The following EDA variants were observed in gnomAD, a reference collection of about 807,000 sequenced individuals.
EDA encodes the protein ectodysplasin-A.
A neutral mutation model predicts 23.6 loss-of-function variants in EDA; 2 were observed. That is an observed-to-expected ratio of 0.08 (90% CI 0.03 to 0.27). EDA has a LOEUF of 0.27. EDA is among the 10% of genes least tolerant of loss of function. The pLI is 1.00. For missense variants in EDA, 229 were observed against 324.2 expected, an observed-to-expected ratio of 0.71 and a Z score of 2.26; for synonymous variants, 131 against 132.0, an observed-to-expected ratio of 0.99 and a Z score of 0.05.
At chrX:69,630,148 G>A (rs1477053016) in intron 1 of EDA, among the ~76,000 whole-genome samples, 1 of 111,540 alleles carries the variant, frequency 9.0e-6, no homozygotes, top group Non-Finnish European at 1.9e-5. Flanking sequence ...GGTTATGTAC[G>A]TGTCTGTGTT....
intron 1 of EDA, among the ~76,000 whole-genome samples, chrX:69,621,741 T>G (rs1365580090): frequency 9.0e-6 from 1 of 111,200 alleles, no homozygotes; most frequent in African/African-American, 3.3e-5. Flanking sequence ...GTTTTTTATT[T>G]GTATTTTTTG....
intron 2 of EDA, among the ~76,000 whole-genome samples, chrX:70,008,301 A>G (rs1252916134): frequency 1.8e-5 from 2 of 112,313 alleles, no homozygotes; most frequent in African/African-American, 6.5e-5. Context: ...GATGTTCTCT[A>G]TCAAATTGTG....
chrX:69,818,727 A>C (rs1248221944), intron 1 of EDA, among the ~76,000 whole-genome samples: 1 of 111,601 alleles, frequency 9.0e-6, no homozygotes, highest in East Asian at 2.8e-4. Flanking sequence ...AGCAATAAAT[A>C]GCCTACCAAC....
At chrX:69,693,047 G>T (rs1934758654) in intron 1 of EDA, 1 of 111,790 alleles carries the variant, frequency 8.9e-6, no homozygotes, top group Non-Finnish European at 1.9e-5. Context: ...TATCTCCCAA[G>T]TGTAAAGCTG....
intron 1 of EDA, among the ~76,000 whole-genome samples, chrX:69,890,376 T>C (rs1332822578): frequency 9.0e-6 from 1 of 110,626 alleles, no homozygotes; most frequent in African/African-American, 3.3e-5. Context: ...GAAAAAACTA[T>C]TTTAAAATTT....
At chrX:69,927,218 A>G (rs1193141595) in intron 1 of EDA, among the ~76,000 whole-genome samples, 2 of 111,597 alleles carry the variant, frequency 1.8e-5, no homozygotes, top group Non-Finnish European at 3.8e-5. Flanking sequence ...GTTATTGTGC[A>G]CACTAATTGA....
rs1328589974 is a variant in EDA, at chrX:69,937,663, A to G, written c.397-19364A>G. 4.5e-6 allele frequency: 5 copies of G among 1,102,299 alleles called. No individual in the cohort carries two copies. In the Admixed American group the frequency reaches 1.1e-4, roughly 24 times the overall value. 90.8% of individuals were successfully genotyped at this position (1,102,299 alleles called of 1,213,427 possible). On this transcript the variant is annotated intron_variant, in intron 1 of 7. Transcript: ENST00000374552. ...TCATGTTTTTTAAACTGGATACCAG[A>G]TGTTGTTAGTAGCTCTATAGAGTTC...
chrX:69,788,044 A>C (rs1195122881), intron 1 of EDA, among the ~76,000 whole-genome samples: 3 of 110,355 alleles, frequency 2.7e-5, no homozygotes, highest in Non-Finnish European at 3.8e-5. Flanking sequence ...CATTCATTTC[A>C]TCTTCCATCA....
At chrX:69,929,704 TTTTGTGTGTG>T (rs1569376225) in intron 1 of EDA, among the ~76,000 whole-genome samples, 3 of 64,394 alleles carry the variant, frequency 4.7e-5, no homozygotes, top group East Asian at 2.8e-3. Context: ...TTCATTCTAT[TTTTGTGTGTG>T]TGTGTGTGTG....
chrX:69,627,418 A>T (rs1159022914), intron 1 of EDA, among the ~76,000 whole-genome samples: 1 of 111,328 alleles, frequency 9.0e-6, no homozygotes, highest in African/African-American at 3.3e-5. Context: ...TATATCATAC[A>T]GATCATCCGT....
intron 1 of EDA, among the ~76,000 whole-genome samples, chrX:69,866,581 T>C (rs1289216064): frequency 1.8e-5 from 2 of 111,451 alleles, no homozygotes; most frequent in Non-Finnish European, 3.8e-5. Context: ...TCCACTTCCA[T>C]CTCTTGATTC....
Position 69,730,084 on chromosome X carries a change from G to C in EDA, c.396+113380G>C, listed in dbSNP as rs750505377. Among the ~76,000 whole-genome samples, 3 of 110,252 alleles carry C rather than the reference G, an allele frequency of 2.7e-5. No homozygotes were observed. The East Asian group carries it at 8.6e-4, about 32-fold the overall frequency. ...TTACTATGTTGCCCAGGCCAGTCTC[G>C]AGCTCCTGACCTCAAATGATCCTCC... is the stretch of plus-strand genomic sequence containing the variant. On this transcript the variant is annotated intron_variant, in intron 1 of 7. Coordinates refer to ENST00000374552, the MANE Select transcript of EDA (RefSeq NM_001399.5).
At chrX:69,769,014 A>G (rs1318573656) in intron 1 of EDA, among the ~76,000 whole-genome samples, 1 of 111,796 alleles carries the variant, frequency 8.9e-6, no homozygotes, top group Non-Finnish European at 1.9e-5. Flanking sequence ...TGTTCTTGAC[A>G]TCTAATTTAT....
chrX:69,880,670 A>G (rs1014236593), intron 1 of EDA, among the ~76,000 whole-genome samples: 4 of 112,248 alleles, frequency 3.6e-5, no homozygotes, highest in Non-Finnish European at 7.5e-5. Context: ...GTCTCCTGGT[A>G]TACCTCACAT....
At chrX:69,676,580 G>C (rs1934092964) in intron 1 of EDA, among the ~76,000 whole-genome samples, 1 of 109,782 alleles carries the variant, frequency 9.1e-6, no homozygotes, top group African/African-American at 3.3e-5. Flanking sequence ...ATTTTATTCT[G>C]TTCTATACCA....
intron 1 of EDA, among the ~76,000 whole-genome samples, chrX:69,810,021 G>T (rs760889207): frequency 3.6e-4 from 39 of 108,882 alleles, no homozygotes; most frequent in African/African-American, 1.2e-3. Context: ...CAGCACTTTG[G>T]GGGGCTGAGG....
chrX:69,786,258 G>T (rs77624139), intron 1 of EDA, among the ~76,000 whole-genome samples: 15 of 110,887 alleles, frequency 1.4e-4, no homozygotes, highest in South Asian at 3.8e-4. Context: ...GATTCATTAA[G>T]TTTTTGAAGG....
intron 2 of EDA, chrX:69,957,463 T>G: frequency 6.3e-6 from 1 of 158,344 alleles, no homozygotes; most frequent in Non-Finnish European, 1.1e-5. Flanking sequence ...TGGGTGACAG[T>G]GCGAGACTCC....
At chrX:69,995,114 C>A (rs1203345583) in intron 2 of EDA, among the ~76,000 whole-genome samples, 1 of 112,072 alleles carries the variant, frequency 8.9e-6, no homozygotes, top group Admixed American at 9.4e-5. Context: ...AAATCATCTT[C>A]CTGGAAAGCC....
Sources: gnomAD v4.1 joint callset for allele counts (sites outside exome capture counted in the v4.1 genomes callset) on GRCh38, gnomAD v4.1.1 for gene constraint, MANE v1.5 for transcripts, NCBI Gene and HGNC (gene_info 2026-07-23, HGNC 2026-07-21) for gene names.